The following TESK2 variants were observed in gnomAD, a reference collection of about 807,000 sequenced individuals.
TESK2 encodes the protein dual specificity testis-specific protein kinase 2.
A neutral mutation model predicts 57.1 loss-of-function variants in TESK2; 39 were observed. The ratio of observed to expected loss-of-function variants is 0.68; its 90% confidence interval spans 0.53 to 0.89. TESK2 has a LOEUF of 0.89. Ranked by LOEUF, TESK2 falls within the 40% of genes least tolerant of loss-of-function variation. The pLI, the probability that TESK2 is intolerant of heterozygous loss-of-function variation, is 0.00. For synonymous variants in TESK2, 249 were observed against 267.9 expected (o/e 0.93, Z 0.69); for missense variants, 646 against 732.1 (o/e 0.88, Z 1.36).
At chr1:45,439,964 C>T (rs1651375014) in intron 2 of TESK2, among the ~76,000 whole-genome samples, 1 of 144,542 alleles carries the variant, frequency 6.9e-6, no homozygotes, top group Non-Finnish European at 1.5e-5. Context: ...CCCACTGCCA[C>T]TTTTTTTTTT....
rs150733462 is a variant in TESK2, at chr1:45,446,168, CT to C, written c.222+11395del. Among the ~76,000 whole-genome samples, 328 of 143,740 alleles carry C rather than the reference CT, an allele frequency of 2.3e-3. 1 individual carries two copies. Among genetic ancestry groups the C allele is most frequent in the Non-Finnish European group, 3.4e-3 (223 of 65,716 alleles). 94.3% of individuals were successfully genotyped at this position (143,740 alleles called of 152,430 possible). A position where few individuals can be genotyped will look rare whatever the true frequency, so the allele number is the denominator to read the frequency against. Reference sequence around the variant, plus strand: ...CAAAGCATAGAAGAAAAAAAACTTCCTTTTTTTTTTTTTTAGACAGGGTCTC... The same window carrying C: ...CAAAGCATAGAAGAAAAAAAACTTCCTTTTTTTTTTTTTAGACAGGGTCTC... On this transcript the variant is annotated intron_variant, in intron 2 of 10. Coordinates refer to ENST00000372086, the MANE Select transcript of TESK2 (RefSeq NM_007170.3).
At chr1:45,367,855 C>G (rs201522754) in intron 4 of TESK2, among the ~76,000 whole-genome samples, 1 of 150,092 alleles carries the variant, frequency 6.7e-6, no homozygotes, top group Non-Finnish European at 1.5e-5. Flanking sequence ...GACGGGGTTT[C>G]ACCATGTTGG....
rs958060494 is a variant in TESK2, at chr1:45,344,988, C to G, written c.1568G>C (p.Gly523Ala). The G allele has an allele frequency of 1.9e-6, 3 of 1,614,134 alleles. No individual in the cohort carries two copies. In the African/African-American group the frequency reaches 4.0e-5, roughly 22 times the overall value. ...GGTCCCCTGGGGCCTGGACCCAAAA[C>G]CATTTTCTTCCTGGAGAATGGAGCA... ...MDCSILQEEN[G>A]FGSRPQGTSP... The change falls in exon 11 of 11, where the codon GGT becomes GCT. Residue 523 changes from glycine to alanine, a missense_variant. Coordinates refer to ENST00000372086, the MANE Select transcript of TESK2 (RefSeq NM_007170.3).
chr1:45,392,631 G>A (rs1346827759), intron 3 of TESK2, among the ~76,000 whole-genome samples: 1 of 152,072 alleles, frequency 6.6e-6, no homozygotes, highest in East Asian at 1.9e-4. Flanking sequence ...AACCCAGGAG[G>A]TGGAGGTTGT....
chr1:45,461,166 T>C (rs1015241165), intron 1 of TESK2, among the ~76,000 whole-genome samples: 12 of 152,088 alleles, frequency 7.9e-5, no homozygotes, highest in Admixed American at 1.3e-4. Flanking sequence ...CCACTGTTTT[T>C]TTTTTTTAAA....
chr1:45,467,640 T>G (rs901871300), intron 1 of TESK2, among the ~76,000 whole-genome samples: 1 of 96,662 alleles, frequency 1.0e-5, no homozygotes, highest in African/African-American at 3.3e-5. Context: ...TTCACAGTTT[T>G]TTTTTTTTTT....
At chr1:45,404,219 G>A (rs1184050414) in intron 3 of TESK2, among the ~76,000 whole-genome samples, 6 of 152,160 alleles carry the variant, frequency 3.9e-5, no homozygotes, top group Non-Finnish European at 7.3e-5. Context: ...GAAATGTATG[G>A]AGGAAAGAAA....
chr1:45,476,604 T>C (rs1486084236), intron 1 of TESK2, among the ~76,000 whole-genome samples: 2 of 151,988 alleles, frequency 1.3e-5, no homozygotes, highest in East Asian at 1.9e-4. Context: ...TCCCAGGACT[T>C]TGGGAGGCTA....
intron 3 of TESK2, among the ~76,000 whole-genome samples, chr1:45,392,179 G>T (rs137954666): frequency 1.3e-5 from 2 of 152,130 alleles, no homozygotes; most frequent in South Asian, 4.1e-4. Flanking sequence ...TCCGCCTCCC[G>T]GGTTCAAGCA....
At chr1:45,355,653 T>C (rs765543701) in intron 4 of TESK2, among the ~76,000 whole-genome samples, 5 of 152,082 alleles carry the variant, frequency 3.3e-5, no homozygotes, top group African/African-American at 4.8e-5. Context: ...TTAAGGGACA[T>C]AGTCAAACAA....
intron 2 of TESK2, among the ~76,000 whole-genome samples, chr1:45,425,626 G>C (rs1034595374): frequency 1.3e-5 from 2 of 152,088 alleles, no homozygotes; most frequent in Non-Finnish European, 2.9e-5. Context: ...CTATACTCCA[G>C]CCTGGGTGAC....
intron 2 of TESK2, among the ~76,000 whole-genome samples, chr1:45,422,251 A>C (rs1350340477): frequency 1.3e-5 from 2 of 152,164 alleles, no homozygotes; most frequent in Non-Finnish European, 2.9e-5. Flanking sequence ...ACAGAGAGGG[A>C]AACAACACGC....
At chr1:45,480,411 T>C (rs1212888664) in intron 1 of TESK2, among the ~76,000 whole-genome samples, 4 of 150,220 alleles carry the variant, frequency 2.7e-5, no homozygotes, top group Non-Finnish European at 4.4e-5. Flanking sequence ...TGAGCCAAGA[T>C]TGCGCCACTG....
intron 4 of TESK2, among the ~76,000 whole-genome samples, chr1:45,383,218 T>A (rs537817232): frequency 2.6e-5 from 4 of 152,302 alleles, no homozygotes; most frequent in African/African-American, 7.2e-5. Flanking sequence ...TGCTAGATAT[T>A]TTTAATAATT....
chr1:45,362,537 C>T (rs1647729647), intron 4 of TESK2, among the ~76,000 whole-genome samples: 1 of 152,172 alleles, frequency 6.6e-6, no homozygotes, highest in Non-Finnish European at 1.5e-5. Context: ...CTGATACCTG[C>T]AACCAAATAA....
rs1219404756 is a variant in TESK2, at chr1:45,423,293, C to T, written c.223-1447G>A. Reference sequence around the variant, plus strand: ...AATCCATAGGCCGGGCACAGTGGCTCACGCCTGTAATCCCAGGACTTTGGG... The same window carrying T: ...AATCCATAGGCCGGGCACAGTGGCTTACGCCTGTAATCCCAGGACTTTGGG... On this transcript the variant is annotated intron_variant, in intron 2 of 10. Coordinates refer to ENST00000372086, the MANE Select transcript of TESK2 (RefSeq NM_007170.3). Among the ~76,000 whole-genome samples the T allele has an allele frequency of 2.6e-5, 4 of 152,288 alleles. No homozygotes were observed. The East Asian group carries it at 5.8e-4, about 22-fold the overall frequency.
intron 2 of TESK2, among the ~76,000 whole-genome samples, chr1:45,433,812 T>C (rs1156261621): frequency 6.6e-6 from 1 of 152,212 alleles, no homozygotes; most frequent in Non-Finnish European, 1.5e-5. Flanking sequence ...CTAATGAGAT[T>C]GCTGGATCAT....
At chr1:45,373,259 T>TA (rs1648276830) in intron 4 of TESK2, among the ~76,000 whole-genome samples, 1 of 152,076 alleles carries the variant, frequency 6.6e-6, no homozygotes, top group Admixed American at 6.6e-5. Context: ...TGGCAAGACA[T>TA]AATGATGGCA....
At chr1:45,420,962 C>T (rs769908567) in intron 3 of TESK2, among the ~76,000 whole-genome samples, 20 of 152,028 alleles carry the variant, frequency 1.3e-4, no homozygotes, top group African/African-American at 4.1e-4. Context: ...GATTCAGATA[C>T]GGATTATTAA....
Sources: allele counts gnomAD v4.1 joint callset (sites outside exome capture counted in the v4.1 genomes callset), GRCh38; gene constraint gnomAD v4.1.1; transcripts MANE v1.5; gene names NCBI Gene and HGNC (gene_info 2026-07-23, HGNC 2026-07-21).